NRXN3: variants seen among roughly 807,000 people sequenced by gnomAD.
The protein encoded by NRXN3 is neurexin III.
A neutral mutation model predicts 137.6 loss-of-function variants in NRXN3; 32 were observed. The ratio of observed to expected loss-of-function variants is 0.23; its 90% CI spans 0.18 to 0.31. The LOEUF (loss-of-function observed/expected upper bound fraction) is 0.31, where lower values mean the gene tolerates loss of function less well. Among genes scored for constraint, NRXN3 ranks in the 10% least tolerant of loss-of-function variants. The pLI, the probability that NRXN3 is intolerant of heterozygous loss-of-function variation, is 1.00. For synonymous variants in NRXN3, 798 were observed against 784.5 expected, an observed-to-expected ratio of 1.02 and a Z score of -0.29; for missense variants, 1,574 against 2,062.5, an observed-to-expected ratio of 0.76 and a Z score of 4.59.
chr14:78,376,514 A>C (rs1374979138), intron 4 of NRXN3, among the ~76,000 whole-genome samples: 2 of 152,222 alleles, frequency 1.3e-5, no homozygotes, highest in Admixed American at 1.3e-4. Flanking sequence ...GACATTATAT[A>C]TAAGAAGACT....
intron 1 of NRXN3, among the ~76,000 whole-genome samples, chr14:78,223,975 C>G (rs77852427): frequency 3.9e-5 from 6 of 152,228 alleles, no homozygotes; most frequent in African/African-American, 1.2e-4. Context: ...GGGATCAAGC[C>G]CGGGCCCCTC....
intron 16 of NRXN3, among the ~76,000 whole-genome samples, chr14:79,532,214 C>T (rs545039554): frequency 1.3e-5 from 2 of 152,190 alleles, no homozygotes; most frequent in Admixed American, 6.5e-5. Context: ...GAAATGAACA[C>T]GTGTGTATGT....
intron 19 of NRXN3, 132 bp from the exon 20 acceptor site, chr14:79,804,980 C>G: frequency 1.5e-6 from 1 of 649,536 alleles, no homozygotes; most frequent in South Asian, 1.9e-5. Context: ...TATGCCCTCT[C>G]TAGAAAAATA....
chr14:79,538,541 C>G (rs1441013551), intron 16 of NRXN3, among the ~76,000 whole-genome samples: 1 of 152,028 alleles, frequency 6.6e-6, no homozygotes, highest in Non-Finnish European at 1.5e-5. Context: ...TTTCCCAGCA[C>G]CATTTATTAA....
In NRXN3 at chr14:78,926,697, A is replaced by T. The variant is rs567049752; in HGVS notation, c.2276-30545A>T. ...AATTATATATTATGTAATATATATA[A>T]AATATATATTATATATTATATAATT... On this transcript the variant is annotated intron_variant, in intron 10 of 20. Coordinates refer to ENST00000335750, the MANE Select transcript of NRXN3 (RefSeq NM_001330195.2). 2.7e-3 allele frequency among the ~76,000 whole-genome samples: 254 copies of T among 94,782 alleles called. 1 individual carries two copies. The highest frequency in any genetic ancestry group is 4.5e-3 in the Middle Eastern group (1 of 224). The allele number at this position is 94,782 out of a possible 152,430, so 62.2% of individuals were successfully genotyped here.
At chr14:79,774,839 G>T (rs2099091568) in intron 19 of NRXN3, among the ~76,000 whole-genome samples, 1 of 152,070 alleles carries the variant, frequency 6.6e-6, no homozygotes, top group Non-Finnish European at 1.5e-5. Context: ...GACACATGGG[G>T]CAAATACGTG....
At chr14:79,494,774 T>C (rs2153662304) in intron 16 of NRXN3, among the ~76,000 whole-genome samples, 1 of 152,316 alleles carries the variant, frequency 6.6e-6, no homozygotes, top group East Asian at 1.9e-4. Context: ...TATGTAACCG[T>C]GATACATGGT....
intron 4 of NRXN3, among the ~76,000 whole-genome samples, chr14:78,550,150 T>C (rs1205943075): frequency 6.7e-6 from 1 of 149,430 alleles, no homozygotes; most frequent in African/African-American, 2.5e-5. Context: ...TCCTCCCACC[T>C]CAGCCTCCTG....
chr14:79,267,270 A>C (rs1373826360), intron 15 of NRXN3, among the ~76,000 whole-genome samples: 1 of 152,202 alleles, frequency 6.6e-6, no homozygotes, highest in Non-Finnish European at 1.5e-5. Context: ...GGTAGTGATA[A>C]TTAAGGATAT....
At chr14:78,293,328 G>A (rs183362488) in intron 3 of NRXN3, among the ~76,000 whole-genome samples, 1 of 152,138 alleles carries the variant, frequency 6.6e-6, no homozygotes, top group East Asian at 1.9e-4. Context: ...TATTTGTCCT[G>A]ACTCTCTCTC....
chr14:78,895,440 G>A (rs999648776), intron 10 of NRXN3, among the ~76,000 whole-genome samples: 5 of 151,774 alleles, frequency 3.3e-5, no homozygotes, highest in African/African-American at 1.2e-4. Flanking sequence ...AAATAGTTTG[G>A]GCCTTGCTCT....
chr14:79,155,960 T>C (rs1260534077), intron 15 of NRXN3, among the ~76,000 whole-genome samples: 1 of 151,884 alleles, frequency 6.6e-6, no homozygotes, highest in Non-Finnish European at 1.5e-5. Flanking sequence ...TTTTCAACAA[T>C]ATAACCTAAA....
intron 16 of NRXN3, among the ~76,000 whole-genome samples, chr14:79,606,826 G>A (rs532498699): frequency 1.3e-5 from 2 of 152,180 alleles, no homozygotes; most frequent in Non-Finnish European, 2.9e-5. Context: ...TAGGCACAGC[G>A]TGGCAGAAAA....
intron 15 of NRXN3, among the ~76,000 whole-genome samples, chr14:78,995,029 T>C (rs960771823): frequency 7.2e-5 from 11 of 152,182 alleles, no homozygotes; most frequent in African/African-American, 2.7e-4. Flanking sequence ...AAGTTCACAT[T>C]CTTATTCGAT....
intron 15 of NRXN3, among the ~76,000 whole-genome samples, chr14:79,374,634 G>A (rs1434281264): frequency 6.6e-6 from 1 of 151,908 alleles, no homozygotes; most frequent in East Asian, 1.9e-4. Flanking sequence ...TTGACCTCAA[G>A]TCTTTAGACA....
chr14:78,759,186 T>C (rs1222553275), intron 8 of NRXN3, among the ~76,000 whole-genome samples: 1 of 152,158 alleles, frequency 6.6e-6, no homozygotes, highest in Non-Finnish European at 1.5e-5. Context: ...ACTGAGGCAA[T>C]GCATTAAAAA....
intron 10 of NRXN3, among the ~76,000 whole-genome samples, chr14:78,861,126 T>C (rs943533660): frequency 6.6e-6 from 1 of 152,112 alleles, no homozygotes; most frequent in African/African-American, 2.4e-5. Context: ...TTCACAAAGC[T>C]AAACTGAGAG....
intron 15 of NRXN3, among the ~76,000 whole-genome samples, chr14:79,200,563 G>A (rs1262498194): frequency 6.6e-6 from 1 of 152,208 alleles, no homozygotes; most frequent in Non-Finnish European, 1.5e-5. Context: ...AGCCCTAAAG[G>A]TCTCTTACAG....
At chr14:78,778,642 A>C (rs112446109) in intron 8 of NRXN3, among the ~76,000 whole-genome samples, 159 of 151,348 alleles carry the variant, frequency 1.1e-3, no homozygotes, top group African/African-American at 3.7e-3. Context: ...AAAAATTCTC[A>C]TTTCTTCCCT....
Sources: allele counts gnomAD v4.1 joint callset (sites outside exome capture counted in the v4.1 genomes callset), GRCh38; gene constraint gnomAD v4.1.1; transcripts MANE v1.5; gene names NCBI Gene and HGNC (gene_info 2026-07-23, HGNC 2026-07-21).